The following CFAP92 variants were observed in gnomAD, a reference collection of about 807,000 sequenced individuals.
The protein encoded by CFAP92 is cilia and flagella associated protein 92 (putative), also known as uncharacterized protein CFAP92.
Under a neutral mutation model 106.3 loss-of-function variants are expected in CFAP92, and 86 were observed. The observed-to-expected ratio is 0.81, with a 90% CI of 0.68 to 0.97. The LOEUF (loss-of-function observed/expected upper bound fraction) is 0.97, where lower values mean the gene tolerates loss of function less well. Ranked by LOEUF, CFAP92 falls within the 50% of genes least tolerant of loss-of-function variation. The probability of loss-of-function intolerance (pLI) is 0.00; values close to 1 mark genes in which losing one functional copy is unlikely to be tolerated. For missense variants in CFAP92, 1,204 were observed against 1,283.8 expected (o/e 0.94, Z 0.95); for synonymous variants, 477 against 506.4 (o/e 0.94, Z 0.78).
intron 12 of CFAP92, among the ~76,000 whole-genome samples, chr3:128,918,714 A>G (rs1937019786): frequency 6.6e-6 from 1 of 152,146 alleles, no homozygotes; most frequent in Non-Finnish European, 1.5e-5. Context: ...TTATAAAGAG[A>G]ATATAGTTTT....
At chr3:128,943,213 C>T (rs767832383) in intron 10 of CFAP92, among the ~76,000 whole-genome samples, 3 of 151,946 alleles carry the variant, frequency 2.0e-5, no homozygotes, top group African/African-American at 4.8e-5. Flanking sequence ...CCACTGTGCC[C>T]GGCAAAACTC....
rs1455606024 is a variant in CFAP92, at chr3:128,965,569, A to C, written c.1295T>G (p.Ile432Arg). The change falls in exon 9 of 16, where the codon ATA (isoleucine) becomes AGA (arginine). Residue 432 changes from isoleucine to arginine, a missense_variant. Transcript: ENST00000645291. Reference protein sequence around the residue: ...EQKQDLNPLTIKIKCASCLPS... With the variant: ...EQKQDLNPLTRKIKCASCLPS... ...AAGGCAGGAAGCACACTTGATCTTTATGGTCAGGGGATTTAAATCCTGCTT... is the reference window on the plus strand; with the variant it reads ...AAGGCAGGAAGCACACTTGATCTTTCTGGTCAGGGGATTTAAATCCTGCTT... 2 of 398,860 alleles carry C rather than the reference A, an allele frequency of 5.0e-6. No individual in the cohort carries two copies. The highest frequency in any genetic ancestry group is 8.8e-6 in the Non-Finnish European group (2 of 226,064). 24.7% of individuals were successfully genotyped at this position (398,860 alleles called of 1,614,324 possible). A position where few individuals can be genotyped will look rare whatever the true frequency, so the allele number is the denominator to read the frequency against.
intron 9 of CFAP92, among the ~76,000 whole-genome samples, chr3:128,960,644 G>A (rs1290530889): frequency 5.9e-5 from 9 of 152,218 alleles, no homozygotes; most frequent in Admixed American, 3.9e-4. Flanking sequence ...ATACACCCAC[G>A]TTTCAAGGGT....
At chr3:128,942,289 C>T (rs138665235) in intron 10 of CFAP92, among the ~76,000 whole-genome samples, 76 of 152,386 alleles carry the variant, frequency 5.0e-4, no homozygotes, top group African/African-American at 1.7e-3. Context: ...AAAGCTTCTA[C>T]TGTCTTCTCG....
chr3:128,941,719 C>T (rs1680793), intron 10 of CFAP92, among the ~76,000 whole-genome samples: 37,499 of 151,916 alleles, frequency 0.25, 5,026 homozygotes, highest in East Asian at 0.55. Context: ...TCAGGCGATC[C>T]GCCCACCTTG....
At chr3:128,953,610 T>TCTCC (rs1559891661) in intron 9 of CFAP92, among the ~76,000 whole-genome samples, 573 of 56,298 alleles carry the variant, frequency 0.01, 24 homozygotes, top group African/African-American at 0.032. Flanking sequence ...CCCCTCTCCC[T>TCTCC]CTCCCTCTCC....
chr3:129,010,060 C>T, the CFAP92 span, among the ~76,000 whole-genome samples: 3 of 152,238 alleles, frequency 2.0e-5, no homozygotes, highest in East Asian at 1.9e-4. The surrounding 1 kb of genome is among the most constrained non-coding windows in gnomAD (Gnocchi z 4.3). Context: ...TGTGGACACA[C>T]GAATGGACCA....
chr3:128,916,293 A>C, intron 12 of CFAP92, 22 bp from the exon 13 acceptor site: 1 of 1,231,512 alleles, frequency 8.1e-7, no homozygotes, highest in Non-Finnish European at 1.0e-6. Flanking sequence ...GACACCAGTC[A>C]CTACCCACAC....
At chr3:128,920,796 C>T (rs539624509) in intron 12 of CFAP92, among the ~76,000 whole-genome samples, 11 of 152,188 alleles carry the variant, frequency 7.2e-5, no homozygotes, top group Admixed American at 1.3e-4. Flanking sequence ...CAGGGAACAG[C>T]GCATAAAACC....
At chr3:128,938,728 G>T (rs1365689358) in intron 10 of CFAP92, among the ~76,000 whole-genome samples, 1 of 151,946 alleles carries the variant, frequency 6.6e-6, no homozygotes, top group Admixed American at 6.6e-5. Flanking sequence ...TCCTGACCTG[G>T]TGATCCGCCC....
At chr3:129,007,441 G>C (rs1945122723), upstream of CFAP92, among the ~76,000 whole-genome samples, 1 of 152,196 alleles carries the variant, frequency 6.6e-6, no homozygotes, top group African/African-American at 2.4e-5. Context: ...CTGCAGATGT[G>C]TCTTTGGGGA....
rs184114147 is a variant in CFAP92 at position 128,953,546 on chromosome 3, C to T, written c.1354-7571G>A. Among the ~76,000 whole-genome samples, 36 of 138,760 alleles carry T rather than the reference C, an allele frequency of 2.6e-4. 1 individual carries two copies. The East Asian group carries it at 4.4e-3, about 17-fold the overall frequency. The allele number at this position is 138,760 out of a possible 152,430, so 91.0% of individuals were successfully genotyped here. On this transcript the variant is annotated intron_variant, in intron 9 of 15. Transcript: ENST00000645291. ...ATAAAAAGAAAGAGGGATAATCACT[C>T]GCTTAAGAAGCAGCAACACGGTCTC...
At chr3:128,991,979 TGAG>T in intron 2 of CFAP92, 1 of 648,996 alleles carries the variant, frequency 1.5e-6, no homozygotes, top group Non-Finnish European at 1.9e-6. Context: ...CTCAAAGACT[TGAG>T]GAGTGTTTGT....
chr3:128,971,846 A>G (rs1163619159), intron 7 of CFAP92, among the ~76,000 whole-genome samples: 1 of 152,072 alleles, frequency 6.6e-6, no homozygotes, highest in Non-Finnish European at 1.5e-5. Context: ...CAGTAACCTC[A>G]CCTGTTATAT....
At chr3:128,913,277 TC>T (rs34847768) in intron 15 of CFAP92, among the ~76,000 whole-genome samples, 1 of 152,106 alleles carries the variant, frequency 6.6e-6, no homozygotes, top group African/African-American at 2.4e-5. Context: ...CAGGCCACAA[TC>T]CCTTGGGGTT....
In CFAP92 at chr3:129,001,802, C is replaced by T. The variant is rs902020584; in HGVS notation, n.117+772G>A. 4.5e-6 allele frequency: 7 copies of T among 1,545,156 alleles called. No individual in the cohort carries two copies. In the East Asian group the frequency reaches 9.8e-5, roughly 22 times the overall value. On this transcript the variant is annotated intron_variant and non_coding_transcript_variant, in intron 1 of 4. Coordinates refer to the CFAP92 transcript ENST00000510149. ...TGCTGGCCACCGGCCTGGACCAGTA[C>T]CTGCAGGAGGTCTTCCACCACCTGG... is the stretch of plus-strand genomic sequence containing the variant.
intron 9 of CFAP92, among the ~76,000 whole-genome samples, chr3:128,960,111 T>G (rs1322365758): frequency 6.6e-6 from 1 of 152,156 alleles, no homozygotes; most frequent in Non-Finnish European, 1.5e-5. Context: ...TTCCATTACC[T>G]TCCCAAATCC....
chr3:128,964,809 C>T (rs1942244540), intron 9 of CFAP92, among the ~76,000 whole-genome samples: 1 of 152,178 alleles, frequency 6.6e-6, no homozygotes, highest in Admixed American at 6.5e-5. Context: ...CTCTCCCACT[C>T]TAGGTTCCCA....
the CFAP92 span, among the ~76,000 whole-genome samples, chr3:129,017,826 G>C: frequency 6.6e-6 from 1 of 152,192 alleles, no homozygotes; most frequent in African/African-American, 2.4e-5. Flanking sequence ...TTGAGAATTA[G>C]GGTGTGGAAC....
Sources: allele counts gnomAD v4.1 joint callset (sites outside exome capture counted in the v4.1 genomes callset), GRCh38; gene constraint gnomAD v4.1.1; non-coding constraint Gnocchi (gnomAD v3.1); transcripts MANE v1.5; gene names NCBI Gene and HGNC (gene_info 2026-07-23, HGNC 2026-07-21).